The following STXBP5 variants were observed in gnomAD, a reference collection of about 807,000 sequenced individuals.
The protein encoded by STXBP5 is syntaxin binding protein 5.
In STXBP5, 50 loss-of-function variants were observed where a neutral mutation model predicts 152.4. The observed-to-expected ratio is 0.33, with a 90% CI of 0.26 to 0.42. The LOEUF (loss-of-function observed/expected upper bound fraction) is 0.42. Among genes scored for constraint, STXBP5 ranks in the 10% least tolerant of loss-of-function variants. STXBP5 has a pLI of 1.00. For missense variants in STXBP5, 1,167 were observed against 1,388.6 expected (o/e 0.84, Z 2.54); for synonymous variants, 492 against 494.7 (o/e 0.99, Z 0.07).
At chr6:147,313,817 T>C (rs1782502097) in intron 11 of STXBP5, 67 bp from the exon 12 acceptor site, 3 of 1,073,670 alleles carry the variant, frequency 2.8e-6, no homozygotes, top group Middle Eastern at 2.6e-4. Context: ...AAAGTTTTTA[T>C]TTTTGTATTA....
At chr6:147,263,746 A>G (rs137889535) in intron 6 of STXBP5, among the ~76,000 whole-genome samples, 152 of 152,086 alleles carry the variant, frequency 1.0e-3, no homozygotes, top group African/African-American at 3.6e-3. Flanking sequence ...CTGAATTCCT[A>G]TCTACACTTT....
intron 5 of STXBP5, among the ~76,000 whole-genome samples, chr6:147,260,961 C>T (rs1456668459): frequency 3.3e-5 from 5 of 151,966 alleles, no homozygotes; most frequent in Non-Finnish European, 7.4e-5. Flanking sequence ...GATATATGCA[C>T]ATTACATATG....
At chr6:147,321,036 A>T (rs982826562) in intron 16 of STXBP5, among the ~76,000 whole-genome samples, 7 of 152,226 alleles carry the variant, frequency 4.6e-5, no homozygotes, top group Non-Finnish European at 1.0e-4. Flanking sequence ...GTCTTTTAGT[A>T]GAATATTGTA....
chr6:147,293,496 C>T (rs1209263756), intron 9 of STXBP5: 7 of 152,316 alleles, frequency 4.6e-5, no homozygotes, highest in East Asian at 1.9e-4. Flanking sequence ...ATTCATTAAG[C>T]TGGGCAGCAC....
intron 6 of STXBP5, among the ~76,000 whole-genome samples, chr6:147,265,250 T>G (rs1341499537): frequency 6.6e-6 from 1 of 152,026 alleles, no homozygotes; most frequent in Non-Finnish European, 1.5e-5. Context: ...GTAGGAAAAC[T>G]TATTTTGTTA....
chr6:147,307,727 T>C (rs2128367735), intron 9 of STXBP5, among the ~76,000 whole-genome samples: 1 of 152,318 alleles, frequency 6.6e-6, no homozygotes, highest in Middle Eastern at 3.4e-3. Flanking sequence ...CAAATGTTTA[T>C]TATTATGAAA....
At chr6:147,291,619 A>ATTT in intron 9 of STXBP5, among the ~76,000 whole-genome samples, 1 of 152,162 alleles carries the variant, frequency 6.6e-6, no homozygotes, top group Non-Finnish European at 1.5e-5. Flanking sequence ...TTAATATTAA[A>ATTT]GGGAGTTTGT....
chr6:147,359,725 C>T (rs1339757438), intron 23 of STXBP5, among the ~76,000 whole-genome samples: 1 of 149,856 alleles, frequency 6.7e-6, no homozygotes, highest in Non-Finnish European at 1.5e-5. Flanking sequence ...GTTTTTTGTT[C>T]TTGCGATAGT....
chr6:147,318,198 A>G (rs1782737944), intron 16 of STXBP5, among the ~76,000 whole-genome samples: 2 of 152,268 alleles, frequency 1.3e-5, no homozygotes, highest in South Asian at 2.1e-4. Flanking sequence ...TCTCATGACA[A>G]GATAGGTCAG....
chr6:147,283,696 G>T (rs1780809778), intron 8 of STXBP5, among the ~76,000 whole-genome samples: 3 of 152,146 alleles, frequency 2.0e-5, no homozygotes, highest in African/African-American at 7.2e-5. Flanking sequence ...TTGCCAACCT[G>T]CAGCAAAACT....
At chr6:147,228,695 T>G (rs1443495173) in intron 2 of STXBP5, among the ~76,000 whole-genome samples, 2 of 152,074 alleles carry the variant, frequency 1.3e-5, no homozygotes, top group African/African-American at 4.8e-5. Context: ...TTTAAAGGGA[T>G]CTTGGAATGA....
intron 2 of STXBP5, among the ~76,000 whole-genome samples, chr6:147,219,073 C>G (rs1777325415): frequency 6.6e-6 from 1 of 152,094 alleles, no homozygotes; most frequent in African/African-American, 2.4e-5. Flanking sequence ...AGTGTGTTAG[C>G]TGTAGTTTTT....
intron 25 of STXBP5, among the ~76,000 whole-genome samples, chr6:147,371,942 G>A (rs1215295387): frequency 6.6e-6 from 1 of 152,068 alleles, no homozygotes; most frequent in Admixed American, 6.5e-5. Flanking sequence ...TTTAAATTAG[G>A]ATCTGTGAAA....
chr6:147,250,011 T>G (rs1224213333), intron 4 of STXBP5, among the ~76,000 whole-genome samples: 3 of 152,192 alleles, frequency 2.0e-5, no homozygotes, highest in Non-Finnish European at 2.9e-5. Flanking sequence ...TACAATTTAT[T>G]TAAGACCTGC....
chr6:147,214,826 A>G (rs1048535277), intron 2 of STXBP5, among the ~76,000 whole-genome samples: 3 of 152,214 alleles, frequency 2.0e-5, no homozygotes, highest in Non-Finnish European at 4.4e-5. Context: ...CAGCAAAATC[A>G]GCCAGTATCC....
intron 2 of STXBP5, among the ~76,000 whole-genome samples, chr6:147,206,947 G>GTA (rs1265892437): frequency 3.3e-5 from 5 of 151,548 alleles, no homozygotes; most frequent in Non-Finnish European, 7.4e-5. Flanking sequence ...TCATCTATCT[G>GTA]TGGGATATCT....
At chr6:147,277,048 G>A (rs76504985) in intron 7 of STXBP5, among the ~76,000 whole-genome samples, 3,166 of 151,936 alleles carry the variant, frequency 0.021, 97 homozygotes, top group African/African-American at 0.072. Flanking sequence ...AGTTTATCAG[G>A]GTATGACTTC....
intron 25 of STXBP5, among the ~76,000 whole-genome samples, chr6:147,371,405 T>C (rs1785533823): frequency 6.6e-6 from 1 of 152,166 alleles, no homozygotes; most frequent in Non-Finnish European, 1.5e-5. Flanking sequence ...AAATGACTTG[T>C]GTATTTTCTA....
At chr6:147,287,809 C>T (rs185998110) in intron 8 of STXBP5, among the ~76,000 whole-genome samples, 388 of 152,216 alleles carry the variant, frequency 2.5e-3, no homozygotes, top group African/African-American at 8.1e-3. Flanking sequence ...ATTTCCACCC[C>T]GAAATATTGA....
Sources: allele counts gnomAD v4.1 joint callset (sites outside exome capture counted in the v4.1 genomes callset), GRCh38; gene constraint gnomAD v4.1.1; transcripts MANE v1.5; gene names NCBI Gene and HGNC (gene_info 2026-07-23, HGNC 2026-07-21).